MYCBP2: variants seen among roughly 807,000 people sequenced by gnomAD.
MYCBP2 encodes the protein E3 ubiquitin-protein ligase MYCBP2.
MYCBP2 carries 120 observed loss-of-function variants against 525.3 expected under a neutral mutation model. The ratio of observed to expected loss-of-function variants is 0.23; its 90% CI spans 0.20 to 0.27. MYCBP2 has a LOEUF of 0.27. Among genes scored for constraint, MYCBP2 ranks in the 10% least tolerant of loss-of-function variants. The pLI is 1.00. For synonymous variants in MYCBP2, 1,894 were observed against 1,955.8 expected (o/e 0.97, Z 0.83); for missense variants, 4,149 against 5,657.1 (o/e 0.73, Z 8.55).
At chr13:77,291,335 T>G (rs1191368994) in intron 2 of MYCBP2, among the ~76,000 whole-genome samples, 1 of 152,236 alleles carries the variant, frequency 6.6e-6, no homozygotes, top group African/African-American at 2.4e-5. Context: ...GGGAAACCCC[T>G]ACTTAGTAGG....
chr13:77,174,186 T>C (rs970191062), intron 37 of MYCBP2, 125 bp downstream of exon 37: 10 of 673,040 alleles, frequency 1.5e-5, no homozygotes, highest in Non-Finnish European at 2.1e-5. Context: ...TTTGTACAAG[T>C]ATGTGCTAAG....
At position 77,273,465 on chromosome 13, in the gene MYCBP2, G is replaced by A; in HGVS notation, c.945+7C>T. On this transcript the variant is annotated splice_region_variant and intron_variant, in intron 5 of 82. Transcript: ENST00000544440. ...TAAACTTCTAAGCAGATATAAATAT[G>A]AAATACCTGAATAGTTTGGCAAGCA... 4 of 1,564,480 alleles carry A rather than the reference G, an allele frequency of 2.6e-6. No homozygotes were observed. Among genetic ancestry groups the A allele is most frequent in the Non-Finnish European group, 3.4e-6 (4 of 1,162,164 alleles).
intron 15 of MYCBP2, among the ~76,000 whole-genome samples, chr13:77,250,089 G>T (rs1211894107): frequency 6.6e-6 from 1 of 151,442 alleles, no homozygotes; most frequent in Non-Finnish European, 1.5e-5. Flanking sequence ...CGGGCGTAGT[G>T]GCGGGCGCCT....
chr13:77,161,757 A>G, intron 44 of MYCBP2, 149 bp downstream of exon 44: 1 of 569,274 alleles, frequency 1.8e-6, no homozygotes, highest in Non-Finnish European at 3.1e-6. Flanking sequence ...AAAGGGAGCA[A>G]TGATAAGTTA....
intron 43 of MYCBP2, among the ~76,000 whole-genome samples, chr13:77,164,192 A>C (rs1331523838): frequency 6.6e-6 from 1 of 152,178 alleles, no homozygotes; most frequent in East Asian, 1.9e-4. Flanking sequence ...GCTTGGCTGA[A>C]TATACACACT....
At chr13:77,224,773 T>A (rs1040248565) in intron 19 of MYCBP2, among the ~76,000 whole-genome samples, 15 of 152,154 alleles carry the variant, frequency 9.9e-5, no homozygotes, top group African/African-American at 3.4e-4. Context: ...ATAAATGCCA[T>A]TTAATAACAT....
At chr13:77,306,285 T>A (rs2079405284) in intron 1 of MYCBP2, among the ~76,000 whole-genome samples, 2 of 152,236 alleles carry the variant, frequency 1.3e-5, no homozygotes, top group South Asian at 4.1e-4. Context: ...GATACTCCTA[T>A]CATGTTCAAG....
chr13:77,081,774 A>T lies in MYCBP2; in HGVS notation c.11193+63T>A. On this transcript the variant is annotated intron_variant, in intron 64 of 82. Coordinates refer to ENST00000544440, the MANE Select transcript of MYCBP2 (RefSeq NM_015057.5). This position sits in a 1 kb window ranked among gnomAD's most constrained non-coding sequence, Gnocchi z 4.6. ...ATCAAATTGATTATGAATAACTTAC[A>T]GTTTCTCCTTTGATGTATTATTAAC... The T allele has an allele frequency of 6.4e-7, 1 of 1,554,934 alleles. No individual in the cohort carries two copies. Among genetic ancestry groups the T allele is most frequent in the Non-Finnish European group, 8.7e-7 (1 of 1,149,102 alleles).
chr13:77,255,475 A>G (rs1206779875), intron 14 of MYCBP2, among the ~76,000 whole-genome samples: 1 of 151,974 alleles, frequency 6.6e-6, no homozygotes, highest in Non-Finnish European at 1.5e-5. Flanking sequence ...GAGTTTCAGA[A>G]TAAGGAAACA....
At chr13:77,059,429 G>A (rs2038859040) in intron 77 of MYCBP2, 94 bp downstream of exon 77, 1 of 913,022 alleles carries the variant, frequency 1.1e-6, no homozygotes, top group African/African-American at 1.6e-5. Flanking sequence ...TTAGGAAGCT[G>A]GAGTGACGCT....
chr13:77,153,316 G>A (rs2056768204), intron 46 of MYCBP2, among the ~76,000 whole-genome samples: 2 of 152,190 alleles, frequency 1.3e-5, no homozygotes, highest in Admixed American at 6.5e-5. Context: ...GCCCAGAGGT[G>A]CTTGCCTGGG....
chr13:77,139,590 T>A (rs1353132395), intron 51 of MYCBP2, among the ~76,000 whole-genome samples: 2 of 152,218 alleles, frequency 1.3e-5, no homozygotes, highest in Non-Finnish European at 1.5e-5. Flanking sequence ...GAAACCACAC[T>A]TTAAGATACA....
chr13:77,200,894 G>A (rs2062445485), intron 26 of MYCBP2, among the ~76,000 whole-genome samples: 1 of 151,918 alleles, frequency 6.6e-6, no homozygotes, highest in Admixed American at 6.6e-5. Context: ...TGAAGGAAGT[G>A]CTAAACATGG....
intron 42 of MYCBP2, among the ~76,000 whole-genome samples, chr13:77,164,918 A>G (rs2058359163): frequency 6.6e-6 from 1 of 152,232 alleles, no homozygotes; most frequent in Non-Finnish European, 1.5e-5. Context: ...ACTATACTTC[A>G]AAGGCTGGGT....
chr13:77,270,203 T>C, intron 6 of MYCBP2, 93 bp downstream of exon 6: 1 of 1,459,646 alleles, frequency 6.9e-7, no homozygotes, highest in Non-Finnish European at 9.2e-7. Context: ...TAAAATTAGA[T>C]CATATTCTAG....
At chr13:77,156,934 A>G (rs1020524493) in intron 45 of MYCBP2, among the ~76,000 whole-genome samples, 2 of 152,204 alleles carry the variant, frequency 1.3e-5, no homozygotes, top group Admixed American at 1.3e-4. Context: ...ACTAAAGAGT[A>G]ATCTCTGCAA....
chr13:77,225,985 C>A (rs1429133527), intron 18 of MYCBP2, among the ~76,000 whole-genome samples: 1 of 152,114 alleles, frequency 6.6e-6, no homozygotes, highest in Non-Finnish European at 1.5e-5. Context: ...CTAATGGATT[C>A]ACAAGTGACT....
At chr13:77,094,343 T>A (rs1425816584) in intron 58 of MYCBP2, among the ~76,000 whole-genome samples, 4 of 152,170 alleles carry the variant, frequency 2.6e-5, no homozygotes, top group Admixed American at 1.3e-4. Flanking sequence ...AGGTCCAATA[T>A]ATGAAAACAG....
At chr13:77,152,480 C>G (rs1221229956) in intron 46 of MYCBP2, among the ~76,000 whole-genome samples, 1 of 152,140 alleles carries the variant, frequency 6.6e-6, no homozygotes. Flanking sequence ...AAACCATGAC[C>G]CTAAATGAGA....
Sources: allele counts gnomAD v4.1 joint callset (sites outside exome capture counted in the v4.1 genomes callset), GRCh38; gene constraint gnomAD v4.1.1; non-coding constraint Gnocchi (gnomAD v3.1); transcripts MANE v1.5; gene names NCBI Gene and HGNC (gene_info 2026-07-23, HGNC 2026-07-21).